DCC: variants seen among roughly 807,000 people sequenced by gnomAD.
DCC encodes netrin receptor DCC.
In DCC, 58 loss-of-function variants were observed where a neutral mutation model predicts 172.5. That is an observed-to-expected ratio of 0.34 (90% CI 0.27 to 0.42). The LOEUF is 0.42. Among genes scored for constraint, DCC ranks in the 10% least tolerant of loss-of-function variants. The pLI is 1.00. For missense variants in DCC, 1,740 were observed against 1,791.0 expected (o/e 0.97, Z 0.51); for synonymous variants, 709 against 644.5 (o/e 1.10, Z -1.52).
chr18:52,783,597 T>G (rs1379448563), intron 2 of DCC, among the ~76,000 whole-genome samples: 3 of 151,868 alleles, frequency 2.0e-5, no homozygotes, highest in Admixed American at 6.6e-5. Context: ...TCTCAAGCAT[T>G]TGGTAAATAG....
intron 2 of DCC, among the ~76,000 whole-genome samples, chr18:52,814,085 CCTGA>C (rs2038245887): frequency 6.6e-6 from 1 of 152,078 alleles, no homozygotes; most frequent in African/African-American, 2.4e-5. Flanking sequence ...TCTGGAGAAC[CCTGA>C]CTAATACACA....
At chr18:52,420,475 C>T (rs1352033778) in intron 1 of DCC, among the ~76,000 whole-genome samples, 1 of 152,144 alleles carries the variant, frequency 6.6e-6, no homozygotes, top group Non-Finnish European at 1.5e-5. Context: ...AAATGCCCAT[C>T]TCCAGACCTG....
chr18:53,411,334 T>C (rs2145056518), intron 20 of DCC, among the ~76,000 whole-genome samples: 1 of 152,276 alleles, frequency 6.6e-6, no homozygotes, highest in South Asian at 2.1e-4. Context: ...TACAATAATT[T>C]GAATGTTTAA....
intron 1 of DCC, among the ~76,000 whole-genome samples, chr18:52,626,994 T>C (rs915639614): frequency 3.9e-5 from 6 of 152,156 alleles, no homozygotes; most frequent in African/African-American, 1.4e-4. Flanking sequence ...TCTCAGTCCA[T>C]CCCTCTCACA....
At chr18:52,468,861 C>T (rs1474745164) in intron 1 of DCC, among the ~76,000 whole-genome samples, 1 of 151,826 alleles carries the variant, frequency 6.6e-6, no homozygotes, top group East Asian at 1.9e-4. Flanking sequence ...AAAGTGTGTT[C>T]TTGTCTAACT....
chr18:52,969,028 G>A (rs550111336), intron 5 of DCC, among the ~76,000 whole-genome samples: 8 of 151,776 alleles, frequency 5.3e-5, no homozygotes, highest in African/African-American at 7.3e-5. Flanking sequence ...AAAAAAAAAC[G>A]GTTCTCCTGG....
intron 1 of DCC, among the ~76,000 whole-genome samples, chr18:52,482,498 G>A (rs2030003792): frequency 6.6e-6 from 1 of 152,134 alleles, no homozygotes; most frequent in Admixed American, 6.5e-5. Flanking sequence ...TCAAAGTGCT[G>A]GCAGATGCAG....
In DCC at chr18:52,858,318, A is replaced by AAGC. The variant is rs555986103; in HGVS notation, c.413-47711_413-47709dup. On this transcript the variant is annotated intron_variant, in intron 2 of 28. Coordinates refer to ENST00000442544, the MANE Select transcript of DCC (RefSeq NM_005215.4). The stretch of plus-strand genomic sequence containing the variant: ...CCATGCTCAATTTGTAGATCATTGT[A>AAGC]AGCAGCAGCAGCAGCAGTAACAGCA... Among the ~76,000 whole-genome samples the AAGC allele has an allele frequency of 4.7e-4, 72 of 152,280 alleles. No individual in the cohort carries two copies. In the East Asian group the frequency reaches 0.011, roughly 24 times the overall value.
At chr18:52,894,654 C>A (rs1054417519) in intron 2 of DCC, among the ~76,000 whole-genome samples, 13 of 151,868 alleles carry the variant, frequency 8.6e-5, no homozygotes, top group African/African-American at 3.1e-4. Flanking sequence ...TGGTATAGTT[C>A]CAGTTAGAAT....
chr18:53,088,663 G>A (rs973401630), intron 7 of DCC, among the ~76,000 whole-genome samples: 4 of 152,024 alleles, frequency 2.6e-5, no homozygotes, highest in East Asian at 1.9e-4. Context: ...TTGATAGACC[G>A]CTAGCAAGAC....
chr18:52,834,620 A>G (rs2038671372), intron 2 of DCC, among the ~76,000 whole-genome samples: 1 of 152,216 alleles, frequency 6.6e-6, no homozygotes, highest in Non-Finnish European at 1.5e-5. Context: ...CTTCTACACC[A>G]AAATATTTGT....
rs1177647067 is a variant in DCC at position 52,734,054 on chromosome 18, T to C, written c.92-18000T>C. Among the ~76,000 whole-genome samples the C allele has an allele frequency of 2.0e-5, 3 of 152,216 alleles. No homozygotes were observed. In the East Asian group the frequency reaches 5.8e-4, roughly 29 times the overall value. On this transcript the variant is annotated intron_variant, in intron 1 of 28. Transcript: ENST00000442544. The stretch of plus-strand genomic sequence containing the variant: ...ACTAAAGTGTAATTATGAACATCTG[T>C]ATCATCTTTAAAAGAGTAATAAGTA...
chr18:52,532,491 C>A (rs2032179455), intron 1 of DCC, among the ~76,000 whole-genome samples: 1 of 152,120 alleles, frequency 6.6e-6, no homozygotes, highest in Admixed American at 6.5e-5. Flanking sequence ...TTCAAATGAT[C>A]TTTCTCCACA....
intron 1 of DCC, among the ~76,000 whole-genome samples, chr18:52,361,949 A>G (rs1984636388): frequency 6.6e-6 from 1 of 152,212 alleles, no homozygotes; most frequent in African/African-American, 2.4e-5. Context: ...ATAACTGTCC[A>G]AGGGCTGGCT....
At position 52,394,997 on chromosome 18, in the gene DCC, A is replaced by G. The variant is rs1230593715; in HGVS notation, c.91+54119A>G. On this transcript the variant is annotated intron_variant, in intron 1 of 28. Transcript: ENST00000442544. ...CAGACACACAGCCTGCGGGTAAGTCATCAGAAGTAAAATAAACGGGGAAAT... is the reference window on the plus strand; with the variant it reads ...CAGACACACAGCCTGCGGGTAAGTCGTCAGAAGTAAAATAAACGGGGAAAT... Among the ~76,000 whole-genome samples the G allele has an allele frequency of 8.5e-5, 13 of 152,090 alleles. No individual in the cohort carries two copies. The East Asian group carries it at 2.5e-3, about 30-fold the overall frequency.
chr18:53,447,184 A>G (rs1912666423), intron 22 of DCC, among the ~76,000 whole-genome samples: 1 of 152,228 alleles, frequency 6.6e-6, no homozygotes, highest in Non-Finnish European at 1.5e-5. Context: ...TTCACTAATT[A>G]GCATTTGTGG....
chr18:52,947,561 A>T (rs2040568153), intron 5 of DCC, among the ~76,000 whole-genome samples: 1 of 152,234 alleles, frequency 6.6e-6, no homozygotes, highest in Non-Finnish European at 1.5e-5. Context: ...GCGAAGGTGT[A>T]ACTACACGTA....
chr18:52,798,839 C>G (rs981553524), intron 2 of DCC, among the ~76,000 whole-genome samples: 3 of 151,922 alleles, frequency 2.0e-5, no homozygotes, highest in African/African-American at 4.8e-5. Flanking sequence ...TGCAACCTCC[C>G]CCTCCCAGGT....
At chr18:53,367,642 G>C (rs1395115202) in intron 15 of DCC, among the ~76,000 whole-genome samples, 3 of 152,044 alleles carry the variant, frequency 2.0e-5, no homozygotes, top group Non-Finnish European at 4.4e-5. Context: ...ATCTTGTAAA[G>C]CTGAAATTCT....
Sources: allele counts gnomAD v4.1 joint callset (sites outside exome capture counted in the v4.1 genomes callset), GRCh38; gene constraint gnomAD v4.1.1; transcripts MANE v1.5; gene names NCBI Gene and HGNC (gene_info 2026-07-23, HGNC 2026-07-21).